The following SARNP variants were observed in gnomAD, a reference collection of about 807,000 sequenced individuals.
SARNP encodes SAP domain-containing ribonucleoprotein.
A neutral mutation model predicts 38.1 loss-of-function variants in SARNP; 5 were observed. The observed-to-expected ratio is 0.13, with a 90% confidence interval of 0.07 to 0.28. The LOEUF (loss-of-function observed/expected upper bound fraction) is 0.28. Ranked by LOEUF, SARNP falls within the 10% of genes least tolerant of loss-of-function variation. The pLI, the probability that SARNP is intolerant of heterozygous loss-of-function variation, is 1.00. For missense variants in SARNP, 180 were observed against 243.9 expected (o/e 0.74, Z 1.75); for synonymous variants, 84 against 80.6 (o/e 1.04, Z -0.23).
At chr12:55,784,095 G>C (rs532143321) in intron 9 of SARNP, among the ~76,000 whole-genome samples, 12 of 152,160 alleles carry the variant, frequency 7.9e-5, no homozygotes, top group Admixed American at 7.8e-4. Context: ...AGACAACAGA[G>C]ATGACAAAAA....
At chr12:55,804,775 G>A (rs960348322) in intron 1 of SARNP, among the ~76,000 whole-genome samples, 6 of 152,174 alleles carry the variant, frequency 3.9e-5, no homozygotes, top group African/African-American at 1.4e-4. Context: ...TCTATATGCA[G>A]ATCAACACAC....
chr12:55,804,964 T>A (rs1880093506), intron 1 of SARNP, among the ~76,000 whole-genome samples: 1 of 152,200 alleles, frequency 6.6e-6, no homozygotes, highest in South Asian at 2.1e-4. Context: ...TGGAGAGTTT[T>A]TTAAAACATA....
intron 9 of SARNP, among the ~76,000 whole-genome samples, chr12:55,778,203 GT>G (rs1565674666): frequency 1.8e-4 from 28 of 152,060 alleles, no homozygotes; most frequent in African/African-American, 6.5e-4. Context: ...CTGGAGTGCA[GT>G]GGCATGATCT....
rs895983812 is a variant in SARNP at position 55,787,992 on chromosome 12, G to A, written c.501+1083C>T. Among the ~76,000 whole-genome samples the A allele has an allele frequency of 3.3e-5, 5 of 152,098 alleles. No individual in the cohort carries two copies. The South Asian group carries it at 6.2e-4, about 19-fold the overall frequency. ...TCTCAATCTCCTGACCTCGTGATCC[G>A]CACATCTCCGCCTCCCAAAGTGCTG... is the stretch of plus-strand genomic sequence containing the variant. On this transcript the variant is annotated intron_variant, in intron 9 of 10. Transcript: ENST00000336133.
chr12:55,770,005 G>A (rs923380976), intron 9 of SARNP, among the ~76,000 whole-genome samples: 2 of 152,144 alleles, frequency 1.3e-5, no homozygotes, highest in Middle Eastern at 3.2e-3. Context: ...AGAGGCCAGA[G>A]GTATTGAAGT....
chr12:55,790,172 T>TAA (rs761294546), intron 8 of SARNP, among the ~76,000 whole-genome samples: 5 of 134,694 alleles, frequency 3.7e-5, no homozygotes, highest in Non-Finnish European at 8.1e-5. Context: ...GATAGTATTT[T>TAA]AAAAAAAAAA....
At chr12:55,767,506 G>A (rs746273748) in intron 9 of SARNP, among the ~76,000 whole-genome samples, 8 of 151,978 alleles carry the variant, frequency 5.3e-5, no homozygotes, top group Non-Finnish European at 7.4e-5. Flanking sequence ...CCATTGTCAC[G>A]CCGCTGCACT....
chr12:55,776,464 T>C (rs988067631), intron 9 of SARNP, among the ~76,000 whole-genome samples: 2 of 152,222 alleles, frequency 1.3e-5, no homozygotes, highest in African/African-American at 4.8e-5. Context: ...TATTTGCATA[T>C]AAACTATGCT....
At chr12:55,809,885 T>C (rs1880274202) in intron 1 of SARNP, among the ~76,000 whole-genome samples, 1 of 152,226 alleles carries the variant, frequency 6.6e-6, no homozygotes, top group African/African-American at 2.4e-5. Flanking sequence ...TTAACACTGG[T>C]TGAATCTGAG....
At chr12:55,801,639 G>A (rs1389907483) in intron 2 of SARNP, among the ~76,000 whole-genome samples, 1 of 152,070 alleles carries the variant, frequency 6.6e-6, no homozygotes, top group African/African-American at 2.4e-5. Flanking sequence ...TTTTTGTTGA[G>A]ACAGAGTCTT....
chr12:55,815,409 C>A (rs1880452186), intron 1 of SARNP, among the ~76,000 whole-genome samples: 1 of 152,136 alleles, frequency 6.6e-6, no homozygotes, highest in Admixed American at 6.5e-5. Flanking sequence ...ATCAAGATCA[C>A]CAGTGGAACC....
chr12:55,783,136 T>C lies in SARNP; in HGVS notation c.501+5939A>G, dbSNP rs141365147. 1.2e-3 allele frequency among the ~76,000 whole-genome samples: 176 copies of C among 152,086 alleles called. 7 individuals carry two copies. The highest frequency in any genetic ancestry group is 7.5e-3 in the Admixed American group (115 of 15,260). On this transcript the variant is annotated intron_variant, in intron 9 of 10. Coordinates refer to ENST00000336133, the MANE Select transcript of SARNP (RefSeq NM_033082.4). The stretch of plus-strand genomic sequence containing the variant: ...AAAAAATAATAAAAATGGTTTCCTA[T>C]GTGCTAAGTTCTGTCCTTCACCAAC...
chr12:55,782,672 G>A (rs1329684736), intron 9 of SARNP, among the ~76,000 whole-genome samples: 1 of 151,964 alleles, frequency 6.6e-6, no homozygotes, highest in Admixed American at 6.6e-5. Flanking sequence ...CTGCAGTCTC[G>A]AGTTCCTAGG....
intron 9 of SARNP, among the ~76,000 whole-genome samples, chr12:55,771,103 GTTT>G (rs1282708178): frequency 6.6e-6 from 1 of 151,814 alleles, no homozygotes; most frequent in African/African-American, 2.4e-5. Flanking sequence ...ACGCCTGGCT[GTTT>G]TTTGTTTGTT....
intron 1 of SARNP, among the ~76,000 whole-genome samples, chr12:55,814,935 T>C (rs1023129176): frequency 3.3e-5 from 5 of 152,126 alleles, no homozygotes; most frequent in Admixed American, 6.6e-5. Context: ...GCTGTTGATA[T>C]GACATTACAT....
intron 9 of SARNP, among the ~76,000 whole-genome samples, chr12:55,776,862 C>G (rs1454712171): frequency 6.6e-6 from 1 of 152,122 alleles, no homozygotes; most frequent in Admixed American, 6.5e-5. Flanking sequence ...ATCTCAAGAA[C>G]CAGGCTGGCA....
At chr12:55,773,012 G>A (rs1456835995) in intron 9 of SARNP, among the ~76,000 whole-genome samples, 1 of 152,178 alleles carries the variant, frequency 6.6e-6, no homozygotes, top group Non-Finnish European at 1.5e-5. Context: ...ACCATGCCCA[G>A]CCTGGGAAGC....
chr12:55,791,052 C>T (rs1407012826), intron 7 of SARNP, among the ~76,000 whole-genome samples: 3 of 152,042 alleles, frequency 2.0e-5, no homozygotes, highest in African/African-American at 7.2e-5. Flanking sequence ...CATTAATGAA[C>T]CTTGAAAACT....
At chr12:55,795,859 C>T (rs1331688679) in intron 5 of SARNP, among the ~76,000 whole-genome samples, 166 bp downstream of exon 5, 1 of 152,136 alleles carries the variant, frequency 6.6e-6, no homozygotes, top group Non-Finnish European at 1.5e-5. Flanking sequence ...CTACGCCAGC[C>T]AAATATTTTC....
Sources: allele counts gnomAD v4.1 joint callset (sites outside exome capture counted in the v4.1 genomes callset), GRCh38; gene constraint gnomAD v4.1.1; transcripts MANE v1.5; gene names NCBI Gene and HGNC (gene_info 2026-07-23, HGNC 2026-07-21).